PDZRN4: variants seen among roughly 807,000 people sequenced by gnomAD.
PDZRN4 encodes the protein PDZ domain containing ring finger 4, also known as PDZ domain-containing RING finger protein 4.
Under a neutral mutation model 99.0 loss-of-function variants are expected in PDZRN4, and 70 were observed. The observed-to-expected ratio is 0.71, with a 90% CI of 0.58 to 0.86. The LOEUF (loss-of-function observed/expected upper bound fraction) is 0.86, where lower values mean the gene tolerates loss of function less well. PDZRN4 is among the 40% of genes least tolerant of loss of function. The pLI is 0.00. For missense variants in PDZRN4, 1,474 were observed against 1,331.2 expected, an observed-to-expected ratio of 1.11 and a Z score of -1.67; for synonymous variants, 551 against 501.6, an observed-to-expected ratio of 1.10 and a Z score of -1.32.
intron 3 of PDZRN4, among the ~76,000 whole-genome samples, chr12:41,329,671 C>A (rs1951730969): frequency 6.6e-6 from 1 of 151,994 alleles, no homozygotes; most frequent in South Asian, 2.1e-4. Context: ...AAAATAATGA[C>A]TACTAAGAAC....
intron 3 of PDZRN4, among the ~76,000 whole-genome samples, chr12:41,275,776 A>C (rs1241379286): frequency 1.3e-5 from 2 of 152,168 alleles, no homozygotes; most frequent in African/African-American, 4.8e-5. Context: ...AATAATTTTT[A>C]ATATCTGCCT....
Position 41,275,664 on chromosome 12 carries a change from A to T in PDZRN4, c.843+81476A>T, listed in dbSNP as rs536811267. ...ATAAGAGTATACTGTGGATTTTTTT[A>T]AAAAAATAATCATTTCTGAGGGATT... On this transcript the variant is annotated intron_variant, in intron 3 of 9. Transcript: ENST00000402685. Among the ~76,000 whole-genome samples, 341 of 151,122 alleles carry T rather than the reference A, an allele frequency of 2.3e-3. 1 individual carries two copies. The highest frequency in any genetic ancestry group is 6.7e-3 in the African/African-American group (271 of 40,500).
At chr12:41,271,883 T>C (rs1050539235) in intron 3 of PDZRN4, among the ~76,000 whole-genome samples, 11 of 152,044 alleles carry the variant, frequency 7.2e-5, no homozygotes, top group African/African-American at 2.4e-4. Flanking sequence ...ATCTGAAATA[T>C]GGAAATAAAA....
At chr12:41,442,419 C>G (rs1952687045) in intron 3 of PDZRN4, among the ~76,000 whole-genome samples, 1 of 151,938 alleles carries the variant, frequency 6.6e-6, no homozygotes, top group Admixed American at 6.6e-5. Context: ...GTTTGCCTGC[C>G]TGGTATTATA....
At chr12:41,466,699 A>G (rs558998359) in intron 3 of PDZRN4, among the ~76,000 whole-genome samples, 1 of 152,258 alleles carries the variant, frequency 6.6e-6, no homozygotes, top group Non-Finnish European at 1.5e-5. Context: ...ATTTTGCACA[A>G]AAAGAAGAAA....
chr12:41,388,258 G>T (rs1952185889), intron 3 of PDZRN4, among the ~76,000 whole-genome samples: 1 of 152,130 alleles, frequency 6.6e-6, no homozygotes, highest in Non-Finnish European at 1.5e-5. Flanking sequence ...AGCATGGAGG[G>T]TGGTTGGAAG....
chr12:41,241,436 C>T (rs1360111646), intron 3 of PDZRN4, among the ~76,000 whole-genome samples: 1 of 152,206 alleles, frequency 6.6e-6, no homozygotes, highest in African/African-American at 2.4e-5. Context: ...ACTTAAAAAT[C>T]AATCCTTAAG....
At chr12:41,569,277 G>C (rs1053452295) in intron 9 of PDZRN4, among the ~76,000 whole-genome samples, 2 of 152,042 alleles carry the variant, frequency 1.3e-5, no homozygotes, top group African/African-American at 2.4e-5. Context: ...ACGCCATCAT[G>C]CTCAGCTAAT....
chr12:41,295,330 A>G (rs778515663), intron 3 of PDZRN4, among the ~76,000 whole-genome samples: 2 of 152,206 alleles, frequency 1.3e-5, no homozygotes, highest in African/African-American at 2.4e-5. Flanking sequence ...TTGTCATCAA[A>G]TCAAAAATAG....
At chr12:41,218,157 C>T (rs749050920) in intron 3 of PDZRN4, among the ~76,000 whole-genome samples, 9 of 152,078 alleles carry the variant, frequency 5.9e-5, no homozygotes, top group African/African-American at 9.7e-5. Flanking sequence ...ATCTTTCTTT[C>T]ATCTGATTTG....
intron 3 of PDZRN4, among the ~76,000 whole-genome samples, chr12:41,208,524 G>A (rs748753188): frequency 1.3e-5 from 2 of 151,888 alleles, no homozygotes; most frequent in Non-Finnish European, 2.9e-5. Context: ...TTTGTCAGTA[G>A]CAGCTGAAGA....
chr12:41,536,927 G>T (rs1319748921), intron 5 of PDZRN4, among the ~76,000 whole-genome samples: 1 of 152,064 alleles, frequency 6.6e-6, no homozygotes, highest in African/African-American at 2.4e-5. Flanking sequence ...ATAGTGCCTA[G>T]CAATACCTAC....
At chr12:41,372,921 C>A (rs532754537) in intron 3 of PDZRN4, among the ~76,000 whole-genome samples, 1 of 152,090 alleles carries the variant, frequency 6.6e-6, no homozygotes, top group African/African-American at 2.4e-5. Flanking sequence ...TGATATTTCA[C>A]GTAGTTTGTC....
intron 3 of PDZRN4, among the ~76,000 whole-genome samples, chr12:41,245,840 C>G (rs1451789804): frequency 2.0e-5 from 3 of 152,122 alleles, no homozygotes; most frequent in Non-Finnish European, 2.9e-5. Flanking sequence ...GCAGCCCCAC[C>G]CTTATGTCAC....
chr12:41,528,352 A>C (rs1407649329), intron 5 of PDZRN4, among the ~76,000 whole-genome samples: 1 of 152,190 alleles, frequency 6.6e-6, no homozygotes, highest in African/African-American at 2.4e-5. Flanking sequence ...TCCAGGGCTT[A>C]TGTGAAGTCT....
intron 3 of PDZRN4, among the ~76,000 whole-genome samples, chr12:41,353,913 A>G (rs1177582380): frequency 6.6e-6 from 1 of 152,058 alleles, no homozygotes; most frequent in Non-Finnish European, 1.5e-5. Context: ...TTGAACTTCA[A>G]TTTACAGGAA....
chr12:41,395,617 T>A (rs966803051), intron 3 of PDZRN4, among the ~76,000 whole-genome samples: 1 of 152,196 alleles, frequency 6.6e-6, no homozygotes, highest in Non-Finnish European at 1.5e-5. Context: ...TTTATAATTC[T>A]TTTAAAATTT....
At chr12:41,413,387 G>T (rs1310319276) in intron 3 of PDZRN4, among the ~76,000 whole-genome samples, 1 of 152,122 alleles carries the variant, frequency 6.6e-6, no homozygotes, top group African/African-American at 2.4e-5. Flanking sequence ...ACAGGGGATA[G>T]GGAGGGATTT....
chr12:41,525,879 T>A (rs1938559683), intron 5 of PDZRN4, among the ~76,000 whole-genome samples: 1 of 152,216 alleles, frequency 6.6e-6, no homozygotes, highest in African/African-American at 2.4e-5. Context: ...ATTTGTATAT[T>A]TGACTTTCAT....
Sources: allele counts gnomAD v4.1 joint callset (sites outside exome capture counted in the v4.1 genomes callset), GRCh38; gene constraint gnomAD v4.1.1; transcripts MANE v1.5; gene names NCBI Gene and HGNC (gene_info 2026-07-23, HGNC 2026-07-21).